The following UBE2V1 variants were observed in gnomAD, a reference collection of about 807,000 sequenced individuals.
UBE2V1 encodes the protein ubiquitin-conjugating enzyme E2 variant 1.
In UBE2V1, 15 loss-of-function variants were observed where a neutral mutation model predicts 19.6. The observed-to-expected ratio is 0.77, with a 90% CI of 0.51 to 1.18. The LOEUF is 1.18. UBE2V1 is among the 50% of genes most tolerant of loss of function. The pLI is 0.00. For synonymous variants in UBE2V1, 60 were observed against 60.7 expected, an observed-to-expected ratio of 0.99 and a Z score of 0.05; for missense variants, 125 against 184.8, an observed-to-expected ratio of 0.68 and a Z score of 1.88.
chr20:50,100,284 T>TA (rs2079901513), intron 1 of UBE2V1, among the ~76,000 whole-genome samples: 1 of 119,270 alleles, frequency 8.4e-6, no homozygotes. Context: ...CTGTCTCTAT[T>TA]TAAAAAAAAA....
chr20:50,096,652 A>G lies in UBE2V1; in HGVS notation c.171+20T>C, dbSNP rs1233016938. On this transcript the variant is annotated intron_variant, in intron 2 of 3. Coordinates refer to ENST00000371674, the MANE Select transcript of UBE2V1 (RefSeq NM_001032288.3). Reference sequence around the variant, plus strand: ...GTGAATTTAAGACATTGACATTTATAGCCGTAGCTCGACGCTTACTCTTGG... The same window carrying G: ...GTGAATTTAAGACATTGACATTTATGGCCGTAGCTCGACGCTTACTCTTGG... The G allele has an allele frequency of 6.2e-7, 1 of 1,612,176 alleles. No homozygotes were observed. Among genetic ancestry groups the G allele is most frequent in the Non-Finnish European group, 8.5e-7 (1 of 1,179,104 alleles).
intron 1 of UBE2V1, among the ~76,000 whole-genome samples, chr20:50,103,056 G>A (rs1169438674): frequency 6.6e-6 from 1 of 152,130 alleles, no homozygotes; most frequent in Non-Finnish European, 1.5e-5. Flanking sequence ...ATTGCCACTC[G>A]ACATTGTAAA....
chr20:50,092,526 C>T (rs910144095), intron 2 of UBE2V1, among the ~76,000 whole-genome samples: 2 of 152,114 alleles, frequency 1.3e-5, no homozygotes, highest in Admixed American at 6.5e-5. Context: ...GCCTACAACG[C>T]ACATACCTAG....
intron 1 of UBE2V1, among the ~76,000 whole-genome samples, chr20:50,106,626 T>A (rs905467524): frequency 6.6e-6 from 1 of 151,542 alleles, no homozygotes; most frequent in Admixed American, 6.6e-5. Context: ...AGGTCGGGAG[T>A]TCGAGAACAG....
rs529049788 is a variant in UBE2V1 at position 50,107,207 on chromosome 20, G to A, written c.22+5900C>T. ...TCCAAGTTAGTCCCCAGACCTCATC[G>A]CAAACTCGCTAGAAATGTACATTCT... On this transcript the variant is annotated intron_variant, in intron 1 of 3. Transcript: ENST00000371674. 4.6e-5 allele frequency among the ~76,000 whole-genome samples: 7 copies of A among 152,288 alleles called. No homozygotes were observed. The East Asian group carries it at 5.8e-4, about 13-fold the overall frequency.
rs147502495 is a variant in UBE2V1 at position 50,086,766 on chromosome 20, C to T, written c.172-2512G>A. 2.5e-3 allele frequency among the ~76,000 whole-genome samples: 388 copies of T among 152,250 alleles called. 2 individuals are homozygous for T. Among genetic ancestry groups the T allele is most frequent in the African/African-American group, 8.8e-3 (366 of 41,566 alleles). On this transcript the variant is annotated intron_variant, in intron 2 of 3. Transcript: ENST00000371674. ...GCCTCAAGTCATCACAGACACACAC[C>T]TGAAGGGTCATTTAAAAGCCCCAAC... is the stretch of plus-strand genomic sequence containing the variant.
chr20:50,092,502 G>C (rs957161224), intron 2 of UBE2V1, among the ~76,000 whole-genome samples: 1 of 152,084 alleles, frequency 6.6e-6, no homozygotes, highest in Non-Finnish European at 1.5e-5. Flanking sequence ...AGAGGCCAGG[G>C]ATGCTGCTAA....
intron 1 of UBE2V1, among the ~76,000 whole-genome samples, chr20:50,101,416 CTTTTTT>C (rs11474905): frequency 3.2e-5 from 4 of 126,324 alleles, no homozygotes; most frequent in Admixed American, 1.7e-4. Flanking sequence ...CCTCAAAGAA[CTTTTTT>C]TTTTTTTTTT....
Position 50,082,105 on chromosome 20 carries a change from G to A in UBE2V1, c.*663C>T, listed in dbSNP as rs2078668993. On this transcript the variant is annotated 3_prime_UTR_variant, in exon 4 of 4. Coordinates refer to ENST00000371674, the MANE Select transcript of UBE2V1 (RefSeq NM_001032288.3). ...ATAAAGGTGGGGGAGAGAAGATATG[G>A]GGAAAGCCCTGAATTCCTCACCGAA... The A allele has an allele frequency of 5.8e-6, 1 of 173,598 alleles. No homozygotes were observed. Among genetic ancestry groups the A allele is most frequent in the South Asian group, 2.0e-4 (1 of 5,044 alleles). The allele number at this position is 173,598 out of a possible 1,614,324, so 10.8% of individuals were successfully genotyped here.
At chr20:50,085,452 G>C (rs2078858314) in intron 2 of UBE2V1, among the ~76,000 whole-genome samples, 1 of 152,008 alleles carries the variant, frequency 6.6e-6, no homozygotes, top group African/African-American at 2.4e-5. Flanking sequence ...TGTGTCTGAA[G>C]ACCACACTGA....
chr20:50,109,042 C>A (rs567580953), intron 1 of UBE2V1: 1 of 985,436 alleles, frequency 1.0e-6, no homozygotes, highest in African/African-American at 1.7e-5. Flanking sequence ...CCGAGCATCA[C>A]CAGTCTCCCT....
intron 1 of UBE2V1, among the ~76,000 whole-genome samples, chr20:50,100,290 A>G (rs2079903752): frequency 6.6e-6 from 1 of 150,846 alleles, no homozygotes; most frequent in Non-Finnish European, 1.5e-5. Context: ...CTATTTAAAA[A>G]AAAAAAAAAA....
intron 2 of UBE2V1, chr20:50,095,442 T>C (rs1036033472): frequency 1.3e-5 from 2 of 152,228 alleles, no homozygotes; most frequent in Non-Finnish European, 2.9e-5. Context: ...AATGTATATA[T>C]TTTTAAAACT....
intron 1 of UBE2V1, among the ~76,000 whole-genome samples, chr20:50,103,073 C>T (rs1161448198): frequency 6.6e-6 from 1 of 152,188 alleles, no homozygotes; most frequent in African/African-American, 2.4e-5. Flanking sequence ...TAAATATATT[C>T]ATTTTCACTT....
At position 50,082,786 on chromosome 20, in the gene UBE2V1, T is replaced by C. The variant is rs374073408; in HGVS notation, c.426A>G (p.Gly142=). ...TTTTTGATTAATTGCTGTAACACTG[T>C]CCTTCGGGCGGCTGAGGGAGTTTCA... ...ENMKLPQPPE[G]QCYSN is the part of the protein sequence containing the mutation. Residue 142 remains glycine, a synonymous_variant, in exon 4 of 4, where the codon GGA becomes GGG. Coordinates refer to ENST00000371674, the MANE Select transcript of UBE2V1 (RefSeq NM_001032288.3). The C allele has an allele frequency of 2.7e-5, 43 of 1,612,854 alleles. No individual in the cohort carries two copies. The highest frequency in any genetic ancestry group is 5.0e-5 in the Admixed American group (3 of 60,010).
chr20:50,106,888 C>CA lies in UBE2V1; in HGVS notation c.22+6218dup, dbSNP rs1325671411. Reference sequence around the variant, plus strand: ...AACAACAACAACAAAAAAAAAAAAACAAAAAAAAGGTAGAACCTCAGAGGT... The same window carrying CA: ...AACAACAACAACAAAAAAAAAAAAACAAAAAAAAAGGTAGAACCTCAGAGGT... On this transcript the variant is annotated intron_variant, in intron 1 of 3. Transcript: ENST00000371674. Among the ~76,000 whole-genome samples, 203 of 136,380 alleles carry CA rather than the reference C, an allele frequency of 1.5e-3. 3 individuals carry two copies. Among genetic ancestry groups the CA allele is most frequent in the African/African-American group, 5.3e-3 (189 of 35,724 alleles). 89.5% of individuals were successfully genotyped at this position (136,380 alleles called of 152,430 possible).
chr20:50,113,096 C>T lies in UBE2V1; in HGVS notation c.22+11G>A, dbSNP rs759402576. 5 of 1,288,908 alleles carry T rather than the reference C, an allele frequency of 3.9e-6. No individual in the cohort carries two copies. The East Asian group carries it at 1.2e-4, about 31-fold the overall frequency. 79.8% of individuals were successfully genotyped at this position (1,288,908 alleles called of 1,614,324 possible). On this transcript the variant is annotated intron_variant, in intron 1 of 3. Transcript: ENST00000371674. ...CCCCCTCGGCCGGCCGGGCCCGGCG[C>T]CCCCGCTCACCCGAGCCCGTGGTGG...
upstream of UBE2V1, chr20:50,115,724 C>T (rs1055485896): frequency 3.8e-5 from 36 of 949,338 alleles, no homozygotes; most frequent in Non-Finnish European, 4.4e-5. Context: ...AACTTTTAAT[C>T]CTCACAACTC....
chr20:50,099,711 T>C (rs2079863064), intron 1 of UBE2V1, among the ~76,000 whole-genome samples: 1 of 152,172 alleles, frequency 6.6e-6, no homozygotes, highest in African/African-American at 2.4e-5. Context: ...CAGCACTTCA[T>C]CTCAATAAGG....
Sources: allele counts gnomAD v4.1 joint callset (sites outside exome capture counted in the v4.1 genomes callset), GRCh38; gene constraint gnomAD v4.1.1; transcripts MANE v1.5; gene names NCBI Gene and HGNC (gene_info 2026-07-23, HGNC 2026-07-21).